CEP290: variants seen among roughly 807,000 people sequenced by gnomAD.
The protein encoded by CEP290 is centrosomal protein of 290 kDa.
Under a neutral mutation model 344.9 loss-of-function variants are expected in CEP290, and 317 were observed. That is an observed-to-expected ratio of 0.92 (90% CI 0.84 to 1.01). The LOEUF is 1.01. Among genes scored for constraint, CEP290 ranks in the 50% least tolerant of loss-of-function variants. CEP290 has a pLI of 0.00. For synonymous variants in CEP290, 932 were observed against 895.8 expected, an observed-to-expected ratio of 1.04 and a Z score of -0.72; for missense variants, 2,754 against 2,761.4, an observed-to-expected ratio of 1.00 and a Z score of 0.06.
chr12:88,099,265 G>C (rs998911002), intron 26 of CEP290, among the ~76,000 whole-genome samples: 1 of 152,074 alleles, frequency 6.6e-6, no homozygotes, highest in Non-Finnish European at 1.5e-5. Context: ...TGACTAGCTG[G>C]TTAGGTAACT....
At chr12:88,054,128 G>A (rs1020058018) in intron 51 of CEP290, among the ~76,000 whole-genome samples, 2 of 152,108 alleles carry the variant, frequency 1.3e-5, no homozygotes, top group Admixed American at 6.6e-5. Flanking sequence ...TTACAAACTG[G>A]AAACTTAGAG....
chr12:88,131,548 C>A (rs1263727593), intron 6 of CEP290, among the ~76,000 whole-genome samples: 1 of 152,080 alleles, frequency 6.6e-6, no homozygotes, highest in Non-Finnish European at 1.5e-5. Flanking sequence ...CAGACATGAG[C>A]CACTGTGCCT....
At chr12:88,063,550 AC>A (rs2034650398) in intron 45 of CEP290, among the ~76,000 whole-genome samples, 1 of 151,866 alleles carries the variant, frequency 6.6e-6, no homozygotes, top group Admixed American at 6.6e-5. Flanking sequence ...CACTTCCTTT[AC>A]CCCTCCTTAG....
intron 31 of CEP290, 86 bp from the exon 32 acceptor site, chr12:88,088,030 A>T: frequency 2.1e-6 from 1 of 486,002 alleles, no homozygotes; most frequent in East Asian, 3.6e-5. Flanking sequence ...TTTAATTGAA[A>T]GTAATGGCCA....
chr12:88,099,109 C>T (rs768710832), intron 26 of CEP290, among the ~76,000 whole-genome samples: 5 of 152,188 alleles, frequency 3.3e-5, no homozygotes, highest in Non-Finnish European at 7.3e-5. Flanking sequence ...GCCAGAAAGA[C>T]ATTGTGGAAC....
At chr12:88,092,864 C>A in intron 28 of CEP290, 32 bp from the exon 29 acceptor site, 1 of 1,600,216 alleles carries the variant, frequency 6.2e-7, no homozygotes, top group South Asian at 1.1e-5. Flanking sequence ...TGTTCAGATA[C>A]ATCAATTTTT....
At chr12:88,061,103 C>T in intron 46 of CEP290, 109 bp from the exon 47 acceptor site, 1 of 732,240 alleles carries the variant, frequency 1.4e-6, no homozygotes, top group Non-Finnish European at 2.0e-6. Flanking sequence ...TATTTGAAGT[C>T]AAAACTGTAT....
In CEP290 at chr12:88,072,210, T is replaced by C. The variant is rs182198078; in HGVS notation, c.5710-284A>G. Among the ~76,000 whole-genome samples the C allele has an allele frequency of 1.2e-3, 178 of 152,292 alleles. No homozygotes were observed. The highest frequency in any genetic ancestry group is 2.1e-3 in the South Asian group (10 of 4,830). ...CAAGTCCAAACACAAAATTCACTTA[T>C]GTTTCACATACACCTTCTACACATA... On this transcript the variant is annotated intron_variant, in intron 41 of 53. Transcript: ENST00000552810.
rs959651787 is a variant in CEP290 at position 88,089,081 on chromosome 12, C to T, written c.3980G>A (p.Gly1327Asp). ...TAAAGTGCTTATTAACTCTTCCAGG[C>T]CCTTTAATTTTAATTCCATCTCCAA... ...KTLEMELKLKGLEELISTLKD... is the reference protein window; with the variant it reads ...KTLEMELKLKDLEELISTLKD... Residue 1327 changes from glycine (G) to aspartate (D), a missense_variant, in exon 31 of 54, where the codon GGC becomes GAC. Coordinates refer to ENST00000552810, the MANE Select transcript of CEP290 (RefSeq NM_025114.4). The T allele has an allele frequency of 1.9e-6, 3 of 1,538,820 alleles. No individual in the cohort carries two copies. The highest frequency in any genetic ancestry group is 2.7e-5 in the South Asian group (2 of 75,228).
At chr12:88,066,872 T>C (rs1397179921) in intron 44 of CEP290, among the ~76,000 whole-genome samples, 1 of 151,894 alleles carries the variant, frequency 6.6e-6, no homozygotes, top group African/African-American at 2.4e-5. Flanking sequence ...TCAAGCAATC[T>C]TCCTGCCCCT....
chr12:88,129,935 C>T, intron 9 of CEP290, 59 bp from the exon 10 acceptor site: 1 of 1,124,636 alleles, frequency 8.9e-7, no homozygotes, highest in Non-Finnish European at 1.2e-6. Flanking sequence ...GAAATTTAAA[C>T]CAAATTAAAA....
Position 88,062,746 on chromosome 12 carries a change from T to C in CEP290, c.6303A>G (p.Glu2101=). The change falls in exon 46 of 54, where the codon GAA becomes GAG. Residue 2101 remains glutamate (E), a synonymous_variant. Transcript: ENST00000552810. The part of the protein sequence containing the change: ...NQVRDLKEMC[E]FLKKEKAEVQ... ...CTTCTGCTTTTTCTTTCTTAAGAAATTCACACATTTCCTTCAAATCTCTGA... is the reference window on the plus strand; with the variant it reads ...CTTCTGCTTTTTCTTTCTTAAGAAACTCACACATTTCCTTCAAATCTCTGA... 6.3e-7 allele frequency: 1 copy of C among 1,593,734 alleles called. No homozygotes were observed. Among genetic ancestry groups the C allele is most frequent in the Non-Finnish European group, 8.6e-7 (1 of 1,168,764 alleles).
chr12:88,138,508 C>T (rs2040463890), intron 5 of CEP290, among the ~76,000 whole-genome samples: 1 of 152,156 alleles, frequency 6.6e-6, no homozygotes, highest in African/African-American at 2.4e-5. Flanking sequence ...ACTCTCCAGT[C>T]CTGTCTCCAA....
chr12:88,070,343 GACA>G (rs931875745), intron 43 of CEP290, among the ~76,000 whole-genome samples: 2 of 152,188 alleles, frequency 1.3e-5, no homozygotes, highest in Admixed American at 6.5e-5. Context: ...CTGCCCTGAA[GACA>G]ACATTATTTG....
At chr12:88,093,015 A>G (rs1337503798) in intron 28 of CEP290, among the ~76,000 whole-genome samples, 183 bp from the exon 29 acceptor site, 3 of 152,146 alleles carry the variant, frequency 2.0e-5, no homozygotes, top group Non-Finnish European at 4.4e-5. Flanking sequence ...GAAACAAACT[A>G]TGGAAACTCT....
At position 88,071,822 on chromosome 12, in the gene CEP290, A is replaced by G. The variant is rs752046733; in HGVS notation, c.5814T>C (p.Thr1938=). 2.1e-5 allele frequency: 33 copies of G among 1,602,766 alleles called. No individual in the cohort carries two copies. The highest frequency in any genetic ancestry group is 1.7e-6 in the Non-Finnish European group (2 of 1,176,056). The change falls in exon 42 of 54, where the codon ACT becomes ACC. Residue 1938 remains threonine (T), a synonymous_variant. Transcript: ENST00000552810. The part of the protein sequence containing the change: ...KLKEKEGEVF[T]LTKQLNTLKD... ...TCAAAGTATTCAACTGCTTTGTTAA[A>G]GTAAAGACTTCCCCCTCTTTCTCTT...
intron 21 of CEP290, 38 bp from the exon 22 acceptor site, chr12:88,111,389 T>C (rs375094505): frequency 4.2e-4 from 643 of 1,540,282 alleles, no homozygotes; most frequent in Admixed American, 1.3e-3. Flanking sequence ...TCACAACTCT[T>C]ACACCCAAAG....
chr12:88,075,636 G>A (rs2035711387), intron 41 of CEP290, among the ~76,000 whole-genome samples: 2 of 151,974 alleles, frequency 1.3e-5, no homozygotes, highest in South Asian at 4.2e-4. Flanking sequence ...AAGGCACAGG[G>A]GTGGGTTTTG....
chr12:88,073,765 C>G (rs900888315), intron 41 of CEP290, among the ~76,000 whole-genome samples: 1 of 151,758 alleles, frequency 6.6e-6, no homozygotes, highest in Non-Finnish European at 1.5e-5. Flanking sequence ...GACGTCATCT[C>G]AAAAAATTAA....
Sources: gnomAD v4.1 joint callset for allele counts (sites outside exome capture counted in the v4.1 genomes callset) on GRCh38, gnomAD v4.1.1 for gene constraint, MANE v1.5 for transcripts, NCBI Gene and HGNC (gene_info 2026-07-23, HGNC 2026-07-21) for gene names.